Variants in FRS2 observed in about 807,000 individuals in gnomAD.
The protein encoded by FRS2 is FGFR signalling adaptor.
FRS2 carries 8 observed loss-of-function variants against 43.9 expected under a neutral mutation model. The ratio of observed to expected loss-of-function variants is 0.18; its 90% CI spans 0.11 to 0.33. The LOEUF (loss-of-function observed/expected upper bound fraction) is 0.33. Among genes scored for constraint, FRS2 ranks in the 10% least tolerant of loss-of-function variants. FRS2 has a pLI of 1.00. For synonymous variants in FRS2, 219 were observed against 220.3 expected (o/e 0.99, Z 0.05); for missense variants, 534 against 627.6 (o/e 0.85, Z 1.59).
chr12:69,492,269 CAAA>C (rs767656569), intron 1 of FRS2, among the ~76,000 whole-genome samples: 2 of 151,294 alleles, frequency 1.3e-5, no homozygotes, highest in East Asian at 1.9e-4. Context: ...GACAAAGAAA[CAAA>C]AAAAAGTAAT....
chr12:69,528,987 T>C (rs1310084830), intron 1 of FRS2, among the ~76,000 whole-genome samples: 2 of 151,088 alleles, frequency 1.3e-5, no homozygotes, highest in South Asian at 4.2e-4. Context: ...AGGGAGAGAG[T>C]GGTAGATGAG....
intron 3 of FRS2, among the ~76,000 whole-genome samples, chr12:69,545,772 A>AC (rs200106263): frequency 6.1e-5 from 9 of 146,948 alleles, no homozygotes; most frequent in African/African-American, 2.1e-4. Flanking sequence ...AAAAAAAAAA[A>AC]AAAAAACAAA....
chr12:69,556,824 A>G (rs547562678), intron 3 of FRS2, among the ~76,000 whole-genome samples: 1 of 152,344 alleles, frequency 6.6e-6, no homozygotes, highest in South Asian at 2.1e-4. Flanking sequence ...TGTTGTTTTA[A>G]AAAATAAAGC....
At position 69,521,940 on chromosome 12, in the gene FRS2, G is replaced by A. The variant is rs537331805; in HGVS notation, c.-260-8925G>A. On this transcript the variant is annotated intron_variant, in intron 1 of 8. Transcript: ENST00000549921. ...TGTTGAGAGTTTTTAATGTGAAGAG[G>A]TATTGAATTTTATTGAGAGCCTTTT... Among the ~76,000 whole-genome samples, 51 of 152,232 alleles carry A rather than the reference G, an allele frequency of 3.4e-4. No homozygotes were observed. In the East Asian group the frequency reaches 9.5e-3, roughly 28 times the overall value.
chr12:69,485,445 G>A (rs1043953450), intron 1 of FRS2, among the ~76,000 whole-genome samples: 4 of 152,080 alleles, frequency 2.6e-5, no homozygotes, highest in East Asian at 1.9e-4. Context: ...ACCTTCCAAA[G>A]TGCTGGGATT....
chr12:69,527,941 A>G (rs1477936457), intron 1 of FRS2, among the ~76,000 whole-genome samples: 2 of 152,228 alleles, frequency 1.3e-5, no homozygotes, highest in Non-Finnish European at 2.9e-5. Context: ...TTATTTTTAT[A>G]CCTAAGGTCT....
chr12:69,479,144 A>G (rs751911097), intron 1 of FRS2, among the ~76,000 whole-genome samples: 1 of 151,786 alleles, frequency 6.6e-6, no homozygotes, highest in Non-Finnish European at 1.5e-5. Context: ...ATCTAGGACC[A>G]TTTTTCTTTG....
chr12:69,491,378 T>A (rs221095), intron 1 of FRS2, among the ~76,000 whole-genome samples: 14,233 of 152,152 alleles, frequency 0.094, 879 homozygotes, highest in Non-Finnish European at 0.14. Flanking sequence ...TTAATAGTCG[T>A]GAACTACCGC....
intron 3 of FRS2, among the ~76,000 whole-genome samples, chr12:69,554,401 A>AT (rs1879165382): frequency 6.6e-6 from 1 of 152,138 alleles, no homozygotes; most frequent in Non-Finnish European, 1.5e-5. Context: ...GTAAAACATT[A>AT]TTTTGTAAAA....
chr12:69,547,408 G>T (rs1878501257), intron 3 of FRS2, among the ~76,000 whole-genome samples: 1 of 152,088 alleles, frequency 6.6e-6, no homozygotes, highest in Non-Finnish European at 1.5e-5. Flanking sequence ...CTGCAGGTGA[G>T]CTATGGTCAC....
In FRS2 at chr12:69,571,295, T is replaced by C; in HGVS notation, c.273T>C (p.Cys91=). ...TTGTAGGAATCTTTGCCTTTAAGTG[T>C]GCCCGTGCAGAAGAATTATTTAACA... The part of the protein sequence containing the change: ...QTGQGIFAFK[C]ARAEELFNML... Residue 91 remains cysteine (C), a synonymous_variant, in exon 7 of 9, where the codon TGT becomes TGC. Transcript: ENST00000549921. The C allele has an allele frequency of 6.2e-7, 1 of 1,608,138 alleles. No individual in the cohort carries two copies. The highest frequency in any genetic ancestry group is 8.5e-7 in the Non-Finnish European group (1 of 1,177,104).
At chr12:69,473,668 A>G (rs1487577927) in intron 1 of FRS2, among the ~76,000 whole-genome samples, 1 of 152,178 alleles carries the variant, frequency 6.6e-6, no homozygotes, top group Non-Finnish European at 1.5e-5. Context: ...CCAAGGTCTA[A>G]TAGAGTAGTG....
intron 1 of FRS2, among the ~76,000 whole-genome samples, chr12:69,489,694 T>G (rs202239198): frequency 6.6e-6 from 1 of 151,584 alleles, no homozygotes; most frequent in Non-Finnish European, 1.5e-5. Context: ...AGAAAATTAT[T>G]GGTTGGTTGG....
intron 3 of FRS2, among the ~76,000 whole-genome samples, chr12:69,532,538 A>G (rs896774222): frequency 6.6e-6 from 1 of 152,168 alleles, no homozygotes; most frequent in African/African-American, 2.4e-5. Flanking sequence ...AGCAAAACTA[A>G]TGCTGAGCAA....
chr12:69,545,782 A>G (rs1482386632), intron 3 of FRS2, among the ~76,000 whole-genome samples: 1 of 150,712 alleles, frequency 6.6e-6, no homozygotes, highest in East Asian at 1.9e-4. Context: ...AAAAAAACAA[A>G]AACAAAAACC....
chr12:69,516,726 T>C lies in FRS2; in HGVS notation c.-260-14139T>C, dbSNP rs932380197. ...CTGATCTTTCCTAGCATATAACTTTTAATATGAGAAATGTTATTTCTTTAT... is the reference window on the plus strand; with the variant it reads ...CTGATCTTTCCTAGCATATAACTTTCAATATGAGAAATGTTATTTCTTTAT... On this transcript the variant is annotated intron_variant, in intron 1 of 8. Coordinates refer to ENST00000549921, the MANE Select transcript of FRS2 (RefSeq NM_001278356.2). Among the ~76,000 whole-genome samples, 6 of 152,344 alleles carry C rather than the reference T, an allele frequency of 3.9e-5. No individual in the cohort carries two copies. In the South Asian group the frequency reaches 1.0e-3, roughly 26 times the overall value.
At chr12:69,487,126 A>C (rs938531435) in intron 1 of FRS2, among the ~76,000 whole-genome samples, 1 of 152,262 alleles carries the variant, frequency 6.6e-6, no homozygotes, top group East Asian at 1.9e-4. Context: ...CTTATGCACC[A>C]GAACCATAGG....
At chr12:69,471,358 A>G (rs1232467417) in intron 1 of FRS2, among the ~76,000 whole-genome samples, 1 of 151,980 alleles carries the variant, frequency 6.6e-6, no homozygotes. Context: ...CAGAGGCTGT[A>G]CGAATTGATT....
chr12:69,534,947 T>A (rs1877135079), intron 3 of FRS2, among the ~76,000 whole-genome samples: 1 of 152,238 alleles, frequency 6.6e-6, no homozygotes, highest in African/African-American at 2.4e-5. Context: ...GGAATAAATG[T>A]CATCTTTCCA....
Sources: gnomAD v4.1 joint callset for allele counts (sites outside exome capture counted in the v4.1 genomes callset) on GRCh38, gnomAD v4.1.1 for gene constraint, MANE v1.5 for transcripts, NCBI Gene and HGNC (gene_info 2026-07-23, HGNC 2026-07-21) for gene names.